FRAS1: variants seen among roughly 807,000 people sequenced by gnomAD.
FRAS1 encodes the protein extracellular matrix organizing protein FRAS1.
In FRAS1, 290 loss-of-function variants were observed where a neutral mutation model predicts 435.2. That is an observed-to-expected ratio of 0.67 (90% CI 0.61 to 0.73). The LOEUF (loss-of-function observed/expected upper bound fraction) is 0.73. Ranked by LOEUF, FRAS1 falls within the 30% of genes least tolerant of loss-of-function variation. The probability of loss-of-function intolerance (pLI) is 0.00; values close to 1 mark genes in which losing one functional copy is unlikely to be tolerated. For missense variants in FRAS1, 4,860 were observed against 5,001.5 expected, an observed-to-expected ratio of 0.97 and a Z score of 0.85; for synonymous variants, 1,800 against 1,851.0, an observed-to-expected ratio of 0.97 and a Z score of 0.71.
At chr4:78,425,108 T>TAAG (rs146836909) in intron 35 of FRAS1, among the ~76,000 whole-genome samples, 25,760 of 148,648 alleles carry the variant, frequency 0.17, 2,554 homozygotes, top group Non-Finnish European at 0.24. Flanking sequence ...GGGATAATAA[T>TAAG]AATAATAATA....
chr4:78,147,551 A>G (rs1720468854), intron 2 of FRAS1, among the ~76,000 whole-genome samples: 1 of 152,212 alleles, frequency 6.6e-6, no homozygotes, highest in Non-Finnish European at 1.5e-5. Context: ...CCTTAGCTTT[A>G]GACCTGCCTC....
chr4:78,445,950 A>T, intron 42 of FRAS1: 1 of 1,301,730 alleles, frequency 7.7e-7, no homozygotes, highest in Non-Finnish European at 9.7e-7. Context: ...TTCGGTGTGA[A>T]AAACAGTTTG....
chr4:78,435,436 G>C (rs1734381494), intron 38 of FRAS1, among the ~76,000 whole-genome samples: 1 of 152,136 alleles, frequency 6.6e-6, no homozygotes, highest in South Asian at 2.1e-4. Context: ...ACATGGAACT[G>C]TAATATAAAA....
At chr4:78,117,210 C>G (rs1718647226) in intron 2 of FRAS1, among the ~76,000 whole-genome samples, 1 of 152,206 alleles carries the variant, frequency 6.6e-6, no homozygotes, top group Non-Finnish European at 1.5e-5. Flanking sequence ...AGCTGTTGGT[C>G]TGATGGGCTT....
intron 58 of FRAS1, 47 bp from the exon 59 acceptor site, chr4:78,488,828 C>G: frequency 6.4e-7 from 1 of 1,556,348 alleles, no homozygotes; most frequent in Non-Finnish European, 8.8e-7. Context: ...CCACAGCTTC[C>G]CTGTCTTCCA....
rs10518198 is a variant in FRAS1, at chr4:78,228,822, A to G, written c.109-8688A>G. ...CATTTATCGAGTACTTTCTAAGGACAAGTCACTGTGGTAATACAAGTACAT... is the reference window on the plus strand; with the variant it reads ...CATTTATCGAGTACTTTCTAAGGACGAGTCACTGTGGTAATACAAGTACAT... On this transcript the variant is annotated intron_variant, in intron 2 of 73. Transcript: ENST00000512123. Among the ~76,000 whole-genome samples, 470 of 152,348 alleles carry G rather than the reference A, an allele frequency of 3.1e-3. 9 individuals are homozygous for G. The highest frequency in any genetic ancestry group is 0.029 in the Admixed American group (447 of 15,302).
chr4:78,496,780 A>T, intron 59 of FRAS1, 25 bp from the exon 60 acceptor site: 1 of 1,575,798 alleles, frequency 6.3e-7, no homozygotes, highest in Non-Finnish European at 8.6e-7. Context: ...GAAAATTTTA[A>T]TCTGTCTTGT....
chr4:78,155,192 C>T (rs373350479), intron 2 of FRAS1, among the ~76,000 whole-genome samples: 123 of 152,232 alleles, frequency 8.1e-4, no homozygotes, highest in Middle Eastern at 3.4e-3. Context: ...AGTGGGTTTT[C>T]GGTCATGTTT....
Position 78,265,016 on chromosome 4 carries a change from C to T in FRAS1, c.604-9C>T, listed in dbSNP as rs560450333. The T allele has an allele frequency of 6.4e-7, 1 of 1,551,558 alleles. No individual in the cohort carries two copies. The highest frequency in any genetic ancestry group is 1.4e-5 in the African/African-American group (1 of 73,830). ...TTTGTGATGGATTGTTCCTGTTCTG[C>T]GTGTTAAGGATGAGACTGTAGTCCG... On this transcript the variant is annotated splice_polypyrimidine_tract_variant and intron_variant, in intron 6 of 73. Coordinates refer to ENST00000512123, the MANE Select transcript of FRAS1 (RefSeq NM_025074.7).
rs1718875924 is a variant in FRAS1, at chr4:78,447,301, A to AAAC, written c.6010+423_6010+424insCAA. Reference sequence around the variant, plus strand: ...TTGTTCCTTTTGTAAAAAAAAAAAAAAAACACTTTTCCTCATTTAAACCAG... The same window carrying AAAC: ...TTGTTCCTTTTGTAAAAAAAAAAAAAAACAAACACTTTTCCTCATTTAAACCAG... On this transcript the variant is annotated intron_variant, in intron 43 of 73. Transcript: ENST00000512123. Among the ~76,000 whole-genome samples, 5 of 148,108 alleles carry AAAC rather than the reference A, an allele frequency of 3.4e-5. 1 individual carries two copies. In the South Asian group the frequency reaches 6.7e-4, roughly 20 times the overall value.
At chr4:78,433,508 C>A (rs922914392) in intron 38 of FRAS1, among the ~76,000 whole-genome samples, 1 of 152,150 alleles carries the variant, frequency 6.6e-6, no homozygotes, top group African/African-American at 2.4e-5. Flanking sequence ...AAGAATCTCA[C>A]TATAAAATGT....
intron 2 of FRAS1, among the ~76,000 whole-genome samples, chr4:78,127,108 A>G (rs10029115): frequency 0.28 from 42,138 of 150,092 alleles, 6,205 homozygotes; most frequent in African/African-American, 0.35. Context: ...GAATCTTAAT[A>G]ATGGAGACAT....
intron 41 of FRAS1, among the ~76,000 whole-genome samples, chr4:78,444,385 A>G (rs922241264): frequency 8.5e-5 from 13 of 152,084 alleles, no homozygotes; most frequent in African/African-American, 2.9e-4. Flanking sequence ...CATGTTATTG[A>G]AGAAAAAAAA....
chr4:78,456,295 C>G (rs1719200666), intron 47 of FRAS1, among the ~76,000 whole-genome samples: 2 of 151,824 alleles, frequency 1.3e-5, no homozygotes, highest in Non-Finnish European at 2.9e-5. Flanking sequence ...GGCACACACC[C>G]CCACACCTGG....
intron 2 of FRAS1, among the ~76,000 whole-genome samples, chr4:78,218,567 C>T (rs189482791): frequency 2.6e-5 from 4 of 152,294 alleles, no homozygotes; most frequent in Admixed American, 6.5e-5. Flanking sequence ...GACCTAGCTC[C>T]TGGATCTTGT....
Position 78,479,397 on chromosome 4 carries a change from G to A in FRAS1, c.8122G>A (p.Ala2708Thr). 6.7e-7 allele frequency: 1 copy of A among 1,501,652 alleles called. No individual in the cohort carries two copies. Among genetic ancestry groups the A allele is most frequent in the Non-Finnish European group, 8.9e-7 (1 of 1,121,938 alleles). The allele number at this position is 1,501,652 out of a possible 1,614,324, so 93.0% of individuals were successfully genotyped here. A position where few individuals can be genotyped will look rare whatever the true frequency, so the allele number is the denominator to read the frequency against. Residue 2708 changes from alanine to threonine, a missense_variant, in exon 56 of 74, where the codon GCA becomes ACA. By Grantham distance (58) the Ala-to-Thr change is moderately conservative. Transcript: ENST00000512123. ...AGGAGATGCAAGCAGCATTGTATCTGCAATTTGCTACACAGTCCCTAAGTC... is the reference window on the plus strand; with the variant it reads ...AGGAGATGCAAGCAGCATTGTATCTACAATTTGCTACACAGTCCCTAAGTC... ...RKGDASSIVS[A>T]ICYTVPKSAM...
At chr4:78,383,284 A>G (rs1732091969) in intron 27 of FRAS1, among the ~76,000 whole-genome samples, 1 of 152,226 alleles carries the variant, frequency 6.6e-6, no homozygotes, top group Non-Finnish European at 1.5e-5. Flanking sequence ...CAAAGGCACC[A>G]AGGGCAATTG....
At position 78,118,346 on chromosome 4, in the gene FRAS1, C is replaced by T. The variant is rs181781077; in HGVS notation, c.108+52330C>T. On this transcript the variant is annotated intron_variant, in intron 2 of 73. Transcript: ENST00000512123. Reference sequence around the variant, plus strand: ...GCTGCGTGCTGGGAGAACCACTGCTCTCCTCAACGCTGTCAGACAGGGACA... The same window carrying T: ...GCTGCGTGCTGGGAGAACCACTGCTTTCCTCAACGCTGTCAGACAGGGACA... Among the ~76,000 whole-genome samples the T allele has an allele frequency of 1.9e-3, 293 of 152,338 alleles. 3 individuals are homozygous for T. Among genetic ancestry groups the T allele is most frequent in the Admixed American group, 0.016 (238 of 15,310 alleles).
intron 14 of FRAS1, among the ~76,000 whole-genome samples, chr4:78,291,592 CT>C (rs1727900729): frequency 6.6e-6 from 1 of 152,116 alleles, no homozygotes; most frequent in Non-Finnish European, 1.5e-5. Flanking sequence ...TTGGGTTCTG[CT>C]TTCTATTGTC....
Sources: allele counts gnomAD v4.1 joint callset (sites outside exome capture counted in the v4.1 genomes callset), GRCh38; gene constraint gnomAD v4.1.1; transcripts MANE v1.5; gene names NCBI Gene and HGNC (gene_info 2026-07-23, HGNC 2026-07-21).